The following ZNF385D variants were observed in gnomAD, a reference collection of about 807,000 sequenced individuals.
ZNF385D encodes zinc finger protein 385D.
In ZNF385D, 15 loss-of-function variants were observed where a neutral mutation model predicts 35.8. That is an observed-to-expected ratio of 0.42 (90% CI 0.28 to 0.64). The LOEUF is 0.64. ZNF385D is among the 30% of genes least tolerant of loss of function. ZNF385D has a pLI of 0.23. For missense variants in ZNF385D, 474 were observed against 494.6 expected (o/e 0.96, Z 0.39); for synonymous variants, 212 against 186.8 (o/e 1.13, Z -1.10).
chr3:22,102,362 A>G lies in ZNF385D; in HGVS notation c.325+66455T>C, dbSNP rs562539958. Among the ~76,000 whole-genome samples the G allele has an allele frequency of 5.3e-5, 8 of 152,220 alleles. No homozygotes were observed. In the South Asian group the frequency reaches 1.7e-3, roughly 32 times the overall value. On this transcript the variant is annotated intron_variant, in intron 3 of 5. Transcript: ENST00000494108. ...TGAAGAACCAAAAACAGAGAGAAGCAATTAGTCCAAGATTGCTTAGATAGT... is the reference window on the plus strand; with the variant it reads ...TGAAGAACCAAAAACAGAGAGAAGCGATTAGTCCAAGATTGCTTAGATAGT...
intron 3 of ZNF385D, among the ~76,000 whole-genome samples, chr3:21,855,498 G>C (rs1236965076): frequency 6.6e-6 from 1 of 151,988 alleles, no homozygotes; most frequent in South Asian, 2.1e-4. Context: ...AGTGAGTCTA[G>C]ATTCCATTGC....
chr3:21,531,771 A>G (rs2061927941), intron 3 of ZNF385D, among the ~76,000 whole-genome samples: 1 of 152,250 alleles, frequency 6.6e-6, no homozygotes, highest in Admixed American at 6.5e-5. Context: ...GGTGGAACAC[A>G]GAGAACGTCT....
intron 3 of ZNF385D, among the ~76,000 whole-genome samples, chr3:21,912,062 T>C (rs1699988827): frequency 6.6e-6 from 1 of 151,930 alleles, no homozygotes; most frequent in African/African-American, 2.4e-5. Flanking sequence ...TTCCAGGAAA[T>C]CTTTGCTCCT....
intron 2 of ZNF385D, among the ~76,000 whole-genome samples, chr3:22,240,257 C>G (rs905485998): frequency 6.7e-6 from 1 of 149,322 alleles, no homozygotes; most frequent in Non-Finnish European, 1.5e-5. Flanking sequence ...AATTTTCTGG[C>G]TTGCAATGCA....
rs1444144633 is a variant in ZNF385D at position 21,857,992 on chromosome 3, T to C, written c.326-192964A>G. ...ATGGTGGTTCACACCTGTAATCCCATCTCTACTAAAAATACAAAATTTAGT... is the reference window on the plus strand; with the variant it reads ...ATGGTGGTTCACACCTGTAATCCCACCTCTACTAAAAATACAAAATTTAGT... On this transcript the variant is annotated intron_variant, in intron 3 of 5. Transcript: ENST00000494108. Among the ~76,000 whole-genome samples, 5 of 151,780 alleles carry C rather than the reference T, an allele frequency of 3.3e-5. No individual in the cohort carries two copies. The East Asian group carries it at 7.8e-4, about 24-fold the overall frequency.
chr3:22,112,140 T>A (rs1254078627), intron 3 of ZNF385D, among the ~76,000 whole-genome samples: 1 of 152,178 alleles, frequency 6.6e-6, no homozygotes. Context: ...AAGCAAAGTG[T>A]CAGTTTTTTA....
intron 1 of ZNF385D, among the ~76,000 whole-genome samples, chr3:21,713,155 C>G (rs1253272028): frequency 6.6e-6 from 1 of 152,180 alleles, no homozygotes; most frequent in Non-Finnish European, 1.5e-5. Flanking sequence ...CAAGGGCACA[C>G]CCACACATGT....
chr3:22,029,929 C>T (rs1430534924), intron 3 of ZNF385D, among the ~76,000 whole-genome samples: 1 of 151,648 alleles, frequency 6.6e-6, no homozygotes, highest in African/African-American at 2.4e-5. Flanking sequence ...AGTATTGATC[C>T]CCTGGATGTG....
intron 3 of ZNF385D, among the ~76,000 whole-genome samples, chr3:22,024,585 TA>T (rs1257830820): frequency 2.6e-5 from 4 of 152,172 alleles, no homozygotes; most frequent in Admixed American, 2.0e-4. Flanking sequence ...GAGAACATAC[TA>T]TTATATTCTT....
chr3:22,236,358 G>A (rs1699184378), intron 2 of ZNF385D, among the ~76,000 whole-genome samples: 1 of 152,052 alleles, frequency 6.6e-6, no homozygotes, highest in African/African-American at 2.4e-5. Context: ...ATTAGATGGA[G>A]TCTTGCTCTG....
chr3:22,248,953 C>A (rs1184949421), intron 2 of ZNF385D, among the ~76,000 whole-genome samples: 3 of 152,252 alleles, frequency 2.0e-5, no homozygotes, highest in African/African-American at 7.2e-5. Context: ...GCTGAGAAAG[C>A]CCATATGCAG....
intron 3 of ZNF385D, among the ~76,000 whole-genome samples, chr3:22,104,334 AG>A (rs1242008932): frequency 6.6e-6 from 1 of 152,086 alleles, no homozygotes; most frequent in Non-Finnish European, 1.5e-5. Context: ...CTTGAAAAAA[AG>A]GATGACGTTT....
chr3:22,020,787 A>C (rs368105715), intron 3 of ZNF385D, among the ~76,000 whole-genome samples: 12 of 152,136 alleles, frequency 7.9e-5, no homozygotes, highest in Admixed American at 6.6e-4. Context: ...ATCTACTGAA[A>C]GGAAAATAAT....
intron 2 of ZNF385D, among the ~76,000 whole-genome samples, chr3:21,621,482 A>AT (rs774064514): frequency 1.3e-5 from 2 of 151,764 alleles, no homozygotes; most frequent in Non-Finnish European, 2.9e-5. Context: ...AGGAATGAAA[A>AT]TTCAGGTTGT....
intron 3 of ZNF385D, among the ~76,000 whole-genome samples, chr3:22,135,570 G>T (rs1173236151): frequency 2.0e-5 from 3 of 152,054 alleles, no homozygotes; most frequent in Non-Finnish European, 2.9e-5. Context: ...TGATCAATGG[G>T]TTTAATGCAT....
At chr3:21,938,161 T>A (rs1701350297) in intron 3 of ZNF385D, among the ~76,000 whole-genome samples, 1 of 152,230 alleles carries the variant, frequency 6.6e-6, no homozygotes, top group Non-Finnish European at 1.5e-5. Context: ...AACTAGGATT[T>A]GTAAATGTAC....
intron 3 of ZNF385D, among the ~76,000 whole-genome samples, chr3:21,524,220 G>A (rs1708082853): frequency 1.3e-5 from 2 of 151,998 alleles, no homozygotes; most frequent in African/African-American, 4.8e-5. Flanking sequence ...TATGTGGTCG[G>A]TAGATTAGAG....
chr3:22,324,883 A>G (rs1694605676), intron 2 of ZNF385D, among the ~76,000 whole-genome samples: 1 of 152,174 alleles, frequency 6.6e-6, no homozygotes, highest in Admixed American at 6.5e-5. Context: ...GAGAGATCCT[A>G]CTAGAGCAGC....
At chr3:21,767,434 T>A (rs1395055799) in intron 3 of ZNF385D, among the ~76,000 whole-genome samples, 1 of 152,086 alleles carries the variant, frequency 6.6e-6, no homozygotes, top group Non-Finnish European at 1.5e-5. Context: ...TTGTTGCTGA[T>A]AACTCTTTTA....
Sources: allele counts gnomAD v4.1 joint callset (sites outside exome capture counted in the v4.1 genomes callset), GRCh38; gene constraint gnomAD v4.1.1; transcripts MANE v1.5; gene names NCBI Gene and HGNC (gene_info 2026-07-23, HGNC 2026-07-21).